DPP10: variants seen among roughly 807,000 people sequenced by gnomAD.
DPP10 encodes the protein dipeptidyl peptidase like 10.
DPP10 carries 33 observed loss-of-function variants against 120.9 expected under a neutral mutation model. That is an observed-to-expected ratio of 0.27 (90% CI 0.21 to 0.37). The LOEUF (loss-of-function observed/expected upper bound fraction) is 0.37, where lower values mean the gene tolerates loss of function less well. Among genes scored for constraint, DPP10 ranks in the 10% least tolerant of loss-of-function variants. The pLI, the probability that DPP10 is intolerant of heterozygous loss-of-function variation, is 1.00. For missense variants in DPP10, 816 were observed against 942.8 expected, an observed-to-expected ratio of 0.87 and a Z score of 1.76; for synonymous variants, 337 against 326.1, an observed-to-expected ratio of 1.03 and a Z score of -0.36.
chr2:115,426,683 C>T (rs999740749), intron 3 of DPP10, among the ~76,000 whole-genome samples: 4 of 152,162 alleles, frequency 2.6e-5, no homozygotes, highest in Non-Finnish European at 4.4e-5. Flanking sequence ...CACCAGGTGC[C>T]ACTTCCAACA....
intron 1 of DPP10, among the ~76,000 whole-genome samples, chr2:114,452,685 T>C (rs1206480960): frequency 6.6e-6 from 1 of 152,058 alleles, no homozygotes; most frequent in Non-Finnish European, 1.5e-5. Context: ...ACAGAAAAAT[T>C]TAAATAAATT....
intron 19 of DPP10, among the ~76,000 whole-genome samples, chr2:115,800,675 T>C (rs1201266735): frequency 1.3e-5 from 2 of 152,090 alleles, no homozygotes; most frequent in African/African-American, 2.4e-5. Context: ...TTTCCCAGCA[T>C]CATTTGTTAA....
chr2:114,508,013 ATCCT>A (rs1282451585), intron 1 of DPP10, among the ~76,000 whole-genome samples: 1 of 151,382 alleles, frequency 6.6e-6, no homozygotes, highest in African/African-American at 2.4e-5. Context: ...CTTTGCTTCC[ATCCT>A]TCCTTCCTTT....
chr2:115,009,166 C>G (rs1702074601), intron 1 of DPP10, among the ~76,000 whole-genome samples: 1 of 143,718 alleles, frequency 7.0e-6, no homozygotes, highest in Non-Finnish European at 1.5e-5. Flanking sequence ...ATAGCAAAGA[C>G]TTGGAACCAA....
chr2:114,854,769 C>T (rs1235887920), intron 1 of DPP10, among the ~76,000 whole-genome samples: 1 of 152,124 alleles, frequency 6.6e-6, no homozygotes, highest in Non-Finnish European at 1.5e-5. Flanking sequence ...GCATCAGTGG[C>T]ACTTTCATTT....
intron 1 of DPP10, among the ~76,000 whole-genome samples, chr2:114,698,190 A>G (rs990652193): frequency 6.6e-6 from 1 of 152,226 alleles, no homozygotes; most frequent in Admixed American, 6.5e-5. Flanking sequence ...ATGATAGGAT[A>G]TAAAACACTC....
Position 115,011,768 on chromosome 2 carries a change from A to G in DPP10, c.61-297471A>G, listed in dbSNP as rs930470699. Among the ~76,000 whole-genome samples the G allele has an allele frequency of 1.3e-5, 2 of 152,276 alleles. 1 individual carries two copies. On this transcript the variant is annotated intron_variant, in intron 1 of 25. Transcript: ENST00000410059. The stretch of plus-strand genomic sequence containing the variant: ...AACTACTGCAAGAATGTACCAGGAA[A>G]GCTAAGAGAATCCACACACCCTTTG...
chr2:114,862,106 A>G (rs1466530385), intron 1 of DPP10, among the ~76,000 whole-genome samples: 3 of 152,182 alleles, frequency 2.0e-5, no homozygotes, highest in South Asian at 2.1e-4. Flanking sequence ...CCAGAATTTT[A>G]TTACCCATTT....
chr2:115,080,295 G>A (rs2104491879), intron 1 of DPP10, among the ~76,000 whole-genome samples: 1 of 152,252 alleles, frequency 6.6e-6, no homozygotes, highest in Non-Finnish European at 1.5e-5. Context: ...TGGGATTACA[G>A]GCATGATCCA....
intron 12 of DPP10, among the ~76,000 whole-genome samples, chr2:115,767,905 A>T (rs1351309831): frequency 6.6e-6 from 1 of 152,182 alleles, no homozygotes; most frequent in African/African-American, 2.4e-5. Flanking sequence ...TTTGTAATTA[A>T]AAGATTTATT....
chr2:115,182,743 G>C (rs1350858195), intron 1 of DPP10, among the ~76,000 whole-genome samples: 1 of 152,148 alleles, frequency 6.6e-6, no homozygotes, highest in Non-Finnish European at 1.5e-5. Flanking sequence ...AGGTAGGGAA[G>C]CTATTTCAGA....
intron 1 of DPP10, among the ~76,000 whole-genome samples, chr2:114,768,493 A>G (rs1457443465): frequency 6.6e-6 from 1 of 152,216 alleles, no homozygotes; most frequent in Non-Finnish European, 1.5e-5. Context: ...TCAGTGTTAA[A>G]GTGTTTTAAA....
At chr2:114,671,632 AAC>A (rs1698348111) in intron 1 of DPP10, among the ~76,000 whole-genome samples, 1 of 152,090 alleles carries the variant, frequency 6.6e-6, no homozygotes, top group Non-Finnish European at 1.5e-5. Flanking sequence ...GGGGTCTTGG[AAC>A]ACATCCCCCT....
intron 5 of DPP10, among the ~76,000 whole-genome samples, chr2:115,565,771 T>TA (rs2080970062): frequency 6.8e-6 from 1 of 147,268 alleles, no homozygotes; most frequent in African/African-American, 2.5e-5. Context: ...TTTGTTTTGT[T>TA]TTTTTTTGTT....
chr2:114,544,017 C>A (rs1449180921), intron 1 of DPP10, among the ~76,000 whole-genome samples: 1 of 150,860 alleles, frequency 6.6e-6, no homozygotes, highest in African/African-American at 2.4e-5. Context: ...AGGTATATAT[C>A]AGGGAATATA....
At chr2:114,563,848 C>A (rs890530874) in intron 1 of DPP10, among the ~76,000 whole-genome samples, 1 of 152,206 alleles carries the variant, frequency 6.6e-6, no homozygotes, top group African/African-American at 2.4e-5. Flanking sequence ...TGGTCACCCT[C>A]ACCTTTCCCG....
intron 1 of DPP10, among the ~76,000 whole-genome samples, chr2:114,960,041 T>A (rs1312561785): frequency 6.6e-6 from 1 of 152,116 alleles, no homozygotes; most frequent in Non-Finnish European, 1.5e-5. Flanking sequence ...GGAAAAAAAA[T>A]TAACCAGGTT....
chr2:114,500,898 G>A (rs1471478902), intron 1 of DPP10, among the ~76,000 whole-genome samples: 1 of 152,134 alleles, frequency 6.6e-6, no homozygotes, highest in East Asian at 1.9e-4. Flanking sequence ...AACAGCTAAG[G>A]GCAGCGGAGG....
chr2:114,487,075 G>T (rs73946170), intron 1 of DPP10, among the ~76,000 whole-genome samples: 6 of 152,218 alleles, frequency 3.9e-5, no homozygotes, highest in African/African-American at 1.4e-4. Flanking sequence ...AAGTACTTTG[G>T]ATCTAGTGAT....
Sources: gnomAD v4.1 joint callset for allele counts (sites outside exome capture counted in the v4.1 genomes callset) on GRCh38, gnomAD v4.1.1 for gene constraint, MANE v1.5 for transcripts, NCBI Gene and HGNC (gene_info 2026-07-23, HGNC 2026-07-21) for gene names.